The following TAF1B variants were observed in gnomAD, a reference collection of about 807,000 sequenced individuals.
TAF1B encodes the protein TATA-box binding protein associated factor, RNA polymerase I subunit B, also known as TATA box-binding protein-associated factor RNA polymerase I subunit B.
TAF1B carries 61 observed loss-of-function variants against 83.9 expected under a neutral mutation model. The observed-to-expected ratio is 0.73, with a 90% confidence interval of 0.59 to 0.90. The LOEUF (loss-of-function observed/expected upper bound fraction) is 0.90, where lower values mean the gene tolerates loss of function less well. TAF1B is among the 40% of genes least tolerant of loss of function. TAF1B has a pLI of 0.00. For synonymous variants in TAF1B, 221 were observed against 224.6 expected (o/e 0.98, Z 0.14); for missense variants, 625 against 677.0 (o/e 0.92, Z 0.85).
intron 3 of TAF1B, 130 bp downstream of exon 3, chr2:9,849,590 C>A: frequency 1.7e-6 from 1 of 580,736 alleles, no homozygotes; most frequent in Non-Finnish European, 2.9e-6. Context: ...GGCATACGTT[C>A]TTCTATCCTA....
intron 7 of TAF1B, among the ~76,000 whole-genome samples, chr2:9,876,584 C>T (rs979420431): frequency 2.6e-5 from 4 of 152,258 alleles, no homozygotes; most frequent in South Asian, 2.1e-4. Flanking sequence ...ACTTAATAGA[C>T]GTGCCAAAAT....
chr2:9,906,650 A>T (rs965503752), intron 9 of TAF1B, among the ~76,000 whole-genome samples: 2 of 152,224 alleles, frequency 1.3e-5, no homozygotes, highest in Non-Finnish European at 2.9e-5. Flanking sequence ...TTTATGTTAT[A>T]ATAAAAAGTC....
At chr2:9,847,374 G>A (rs1424101401) in intron 2 of TAF1B, among the ~76,000 whole-genome samples, 1 of 152,198 alleles carries the variant, frequency 6.6e-6, no homozygotes, top group Non-Finnish European at 1.5e-5. Flanking sequence ...TCTTCACATG[G>A]ACTGTGAGAA....
intron 8 of TAF1B, among the ~76,000 whole-genome samples, chr2:9,902,101 G>A (rs867798700): frequency 6.2e-4 from 94 of 152,124 alleles, no homozygotes; most frequent in African/African-American, 2.1e-3. Context: ...GTAAAATCAA[G>A]CATAGTTATA....
At chr2:9,903,181 G>C (rs1007384750) in intron 8 of TAF1B, among the ~76,000 whole-genome samples, 2 of 152,146 alleles carry the variant, frequency 1.3e-5, no homozygotes, top group African/African-American at 4.8e-5. Flanking sequence ...CGCCTCCTGG[G>C]TTCACGCCAT....
At chr2:9,881,254 C>T (rs1664496140) in intron 7 of TAF1B, among the ~76,000 whole-genome samples, 1 of 151,990 alleles carries the variant, frequency 6.6e-6, no homozygotes, top group African/African-American at 2.4e-5. Context: ...AGGAAAATCA[C>T]TTGAACCTGG....
At chr2:9,875,784 CCTGT>C in intron 6 of TAF1B, 77 bp from the exon 7 acceptor site, 1 of 1,414,494 alleles carries the variant, frequency 7.1e-7, no homozygotes, top group Non-Finnish European at 9.6e-7. Flanking sequence ...ATTTAAAATG[CCTGT>C]TTAGATTTTT....
Position 9,919,791 on chromosome 2 carries a change from T to C in TAF1B, c.1536T>C (p.Tyr512=). The C allele has an allele frequency of 6.2e-7, 1 of 1,614,142 alleles. No individual in the cohort carries two copies. The highest frequency in any genetic ancestry group is 1.1e-5 in the South Asian group (1 of 91,064). Residue 512 remains tyrosine, a synonymous_variant, in exon 14 of 15, where the codon TAT becomes TAC. Transcript: ENST00000263663. ...GQSLLTKNSL[Y]WLSTQKFCRC... ...CACTGCTGACTAAGAATTCATTATA[T>C]TGGCTTAGTACACAGAAATTCTGCA...
rs768852526 is a variant in TAF1B, at chr2:9,919,873, AG to A, written c.1565+54del. 1.3e-4 allele frequency: 197 copies of A among 1,510,036 alleles called. 1 individual carries two copies. In the South Asian group the frequency reaches 1.4e-3, roughly 11 times the overall value. The allele number at this position is 1,510,036 out of a possible 1,614,324, so 93.5% of individuals were successfully genotyped here. A position where few individuals can be genotyped will look rare whatever the true frequency, so the allele number is the denominator to read the frequency against. On this transcript the variant is annotated intron_variant, in intron 14 of 14. Coordinates refer to ENST00000263663, the MANE Select transcript of TAF1B (RefSeq NM_005680.3). ...TATAATTGAAGTAGTTGACTGTATA[AG>A]AGCCAGATAGGTTTTTTGTTGGAAT...
chr2:9,911,448 C>T (rs1665530457), intron 10 of TAF1B, 63 bp from the exon 11 acceptor site: 1 of 1,297,976 alleles, frequency 7.7e-7, no homozygotes, highest in South Asian at 1.4e-5. Flanking sequence ...CAGAAGAATT[C>T]AGAATTTATC....
chr2:9,884,526 C>T (rs1388803818), intron 8 of TAF1B, among the ~76,000 whole-genome samples: 1 of 152,244 alleles, frequency 6.6e-6, no homozygotes, highest in Non-Finnish European at 1.5e-5. Flanking sequence ...AGCTCAGTCT[C>T]CCACAGCGGG....
At position 9,933,641 on chromosome 2, in the gene TAF1B, T is replaced by A. The variant is rs1030064125; in HGVS notation, c.1566-142T>A. 3.0e-5 allele frequency: 20 copies of A among 665,318 alleles called. No individual in the cohort carries two copies. The Admixed American group carries it at 5.2e-4, about 17-fold the overall frequency. 41.2% of individuals were successfully genotyped at this position (665,318 alleles called of 1,614,324 possible). On this transcript the variant is annotated intron_variant, in intron 14 of 14. Transcript: ENST00000263663. ...CAGTTAAGGAGTTAACAAATTCTTC[T>A]AAGTTTCCTTCCAGCTCAGGGTCCT...
chr2:9,888,804 T>TTTG (rs1664769224), intron 8 of TAF1B, among the ~76,000 whole-genome samples: 3 of 144,200 alleles, frequency 2.1e-5, no homozygotes, highest in African/African-American at 5.2e-5. Flanking sequence ...TTTTTTTTTT[T>TTTG]TTTTTTTTTT....
chr2:9,904,970 C>A lies in TAF1B; in HGVS notation c.919C>A (p.Leu307Met). ...TEDCYLHPNI[L>M]CMKYLMEVNL... ...AGACTGCTATCTTCATCCCAACATACTGTGTATGAAATACTTGATGGAAGT... is the reference window on the plus strand; with the variant it reads ...AGACTGCTATCTTCATCCCAACATAATGTGTATGAAATACTTGATGGAAGT... Residue 307 changes from leucine to methionine, a missense_variant, in exon 9 of 15, where the codon CTG becomes ATG. Leu to Met is a conservative substitution (Grantham distance 15). Transcript: ENST00000263663. The A allele has an allele frequency of 1.2e-6, 2 of 1,612,688 alleles. No homozygotes were observed. Among genetic ancestry groups the A allele is most frequent in the East Asian group, 2.2e-5 (1 of 44,820 alleles).
At chr2:9,889,466 C>G (rs190179649) in intron 8 of TAF1B, among the ~76,000 whole-genome samples, 1 of 151,836 alleles carries the variant, frequency 6.6e-6, no homozygotes, top group East Asian at 1.9e-4. Context: ...TTCTCTTTCT[C>G]TTCTCATTAT....
intron 14 of TAF1B, among the ~76,000 whole-genome samples, chr2:9,928,721 CTT>C (rs1666121029): frequency 6.6e-6 from 1 of 152,202 alleles, no homozygotes; most frequent in South Asian, 2.1e-4. Context: ...TATCCTGAGA[CTT>C]TGCTGAAGTT....
chr2:9,881,682 C>T (rs1050072869), intron 7 of TAF1B, among the ~76,000 whole-genome samples: 10 of 152,008 alleles, frequency 6.6e-5, no homozygotes, highest in African/African-American at 2.4e-4. Flanking sequence ...CTGCTGTTTC[C>T]CTGCAGTCTA....
At chr2:9,908,077 A>C (rs1665405840) in intron 9 of TAF1B, among the ~76,000 whole-genome samples, 1 of 72,478 alleles carries the variant, frequency 1.4e-5, no homozygotes, top group Non-Finnish European at 2.8e-5. Context: ...ACAAAGTCTC[A>C]CTCTGTCACC....
At chr2:9,869,978 G>T (rs6432041) in intron 6 of TAF1B, among the ~76,000 whole-genome samples, 1 of 151,890 alleles carries the variant, frequency 6.6e-6, no homozygotes, top group African/African-American at 2.4e-5. Flanking sequence ...AGAAATTACC[G>T]CTACTGCTAT....
Sources: gnomAD v4.1 joint callset for allele counts (sites outside exome capture counted in the v4.1 genomes callset) on GRCh38, gnomAD v4.1.1 for gene constraint, MANE v1.5 for transcripts, NCBI Gene and HGNC (gene_info 2026-07-23, HGNC 2026-07-21) for gene names.